The following AKR1E2 variants were observed in gnomAD, a reference collection of about 807,000 sequenced individuals.
The protein encoded by AKR1E2 is 1,5-anhydro-D-fructose reductase.
AKR1E2 carries 43 observed loss-of-function variants against 41.9 expected under a neutral mutation model. The observed-to-expected ratio is 1.03, with a 90% CI of 0.80 to 1.32. The LOEUF is 1.32. Ranked by LOEUF, AKR1E2 falls within the 40% of genes most tolerant of loss-of-function variation. AKR1E2 has a pLI of 0.00. For missense variants in AKR1E2, 423 were observed against 396.5 expected (o/e 1.07, Z -0.57); for synonymous variants, 121 against 138.9 (o/e 0.87, Z 0.91).
chr10:4,832,762 T>G (rs2131509566), intron 2 of AKR1E2, among the ~76,000 whole-genome samples: 1 of 151,622 alleles, frequency 6.6e-6, no homozygotes, highest in Admixed American at 6.6e-5. Context: ...TACTTTACTT[T>G]CATGTTTTTC....
downstream of AKR1E2, among the ~76,000 whole-genome samples, chr10:4,849,554 C>T (rs1323081258): frequency 6.6e-6 from 1 of 152,130 alleles, no homozygotes; most frequent in Non-Finnish European, 1.5e-5. Context: ...ATACTTAAAC[C>T]ATTGTTCATT....
chr10:4,859,851 A>T, the AKR1E2 span, among the ~76,000 whole-genome samples: 30 of 152,326 alleles, frequency 2.0e-4, no homozygotes, highest in East Asian at 5.2e-3. Flanking sequence ...GAATTTTCTA[A>T]TTTTGTGGTG....
chr10:4,837,630 C>T (rs1833537412), intron 5 of AKR1E2, 49 bp downstream of exon 5: 1 of 1,587,644 alleles, frequency 6.3e-7, no homozygotes, highest in Non-Finnish European at 8.6e-7. Flanking sequence ...GCTGGTCCCC[C>T]AGCTGCCACC....
chr10:4,868,307 T>A, the AKR1E2 span, among the ~76,000 whole-genome samples: 2 of 152,032 alleles, frequency 1.3e-5, no homozygotes, highest in Non-Finnish European at 2.9e-5. Context: ...CCATCCTGAG[T>A]CTCTTTGCTC....
chr10:4,862,118 G>A, the AKR1E2 span, among the ~76,000 whole-genome samples: 1 of 152,186 alleles, frequency 6.6e-6, no homozygotes, highest in Non-Finnish European at 1.5e-5. Context: ...TAAGGTGTAA[G>A]GAAGGGATCC....
intron 2 of AKR1E2, 47 bp downstream of exon 2, chr10:4,830,889 T>C: frequency 6.2e-7 from 1 of 1,606,276 alleles, no homozygotes; most frequent in Non-Finnish European, 8.5e-7. Context: ...TAATGCTACA[T>C]CTCTGGAGGG....
At chr10:4,871,890 C>A in the AKR1E2 span, 3 of 152,160 alleles carry the variant, frequency 2.0e-5, no homozygotes, top group Admixed American at 2.0e-4. Flanking sequence ...ACCACAGACT[C>A]TTTTCTTTAT....
intron 3 of AKR1E2, among the ~76,000 whole-genome samples, chr10:4,834,050 C>T (rs367980529): frequency 3.3e-5 from 5 of 152,234 alleles, no homozygotes; most frequent in African/African-American, 1.2e-4. Flanking sequence ...CTACTCTAGG[C>T]AACCTGCTTC....
downstream of AKR1E2, chr10:4,848,178 A>G (rs1328138894): frequency 6.6e-6 from 1 of 151,422 alleles, no homozygotes; most frequent in Non-Finnish European, 1.5e-5. Flanking sequence ...CCTGGGCTTA[A>G]GTGATCCTCC....
the AKR1E2 span, among the ~76,000 whole-genome samples, chr10:4,870,239 A>T: frequency 6.6e-6 from 1 of 152,086 alleles, no homozygotes; most frequent in Admixed American, 6.6e-5. Context: ...CATTTATAAT[A>T]GAATTTCATT....
Position 4,838,935 on chromosome 10 carries a change from C to T in AKR1E2, c.583-794C>T, listed in dbSNP as rs1164054643. Among the ~76,000 whole-genome samples the T allele has an allele frequency of 3.3e-5, 5 of 152,268 alleles. No individual in the cohort carries two copies. In the South Asian group the frequency reaches 6.2e-4, roughly 19 times the overall value. On this transcript the variant is annotated intron_variant, in intron 5 of 9. Coordinates refer to ENST00000298375, the MANE Select transcript of AKR1E2 (RefSeq NM_001040177.3). Reference sequence around the variant, plus strand: ...TGATGGACACCAGGAACACAGGATGCGGAAGGCTCCAGAAGGGCTGGCCTC... The same window carrying T: ...TGATGGACACCAGGAACACAGGATGTGGAAGGCTCCAGAAGGGCTGGCCTC...
At chr10:4,866,645 G>T in the AKR1E2 span, among the ~76,000 whole-genome samples, 76,410 of 114,586 alleles carry the variant, frequency 0.67, 25,948 homozygotes, top group East Asian at 0.88. Flanking sequence ...TTTTGTTTTT[G>T]TTTTTTTTTT....
At chr10:4,845,778 G>A (rs1199801813) in intron 8 of AKR1E2, 1 of 471,156 alleles carries the variant, frequency 2.1e-6, no homozygotes, top group Admixed American at 2.3e-5. Flanking sequence ...CCTCTGTTAG[G>A]TCTGCTACAC....
At chr10:4,826,653 G>A (rs1240313912) in intron 1 of AKR1E2, among the ~76,000 whole-genome samples, 2 of 152,220 alleles carry the variant, frequency 1.3e-5, no homozygotes, top group Non-Finnish European at 2.9e-5. Flanking sequence ...GTTGGGCGGG[G>A]CTGCTCTGTG....
chr10:4,872,376 A>G, the AKR1E2 span, among the ~76,000 whole-genome samples: 2 of 152,204 alleles, frequency 1.3e-5, no homozygotes, highest in Admixed American at 6.5e-5. Context: ...TTCAGAAATG[A>G]TTTGTCTATG....
the AKR1E2 span, among the ~76,000 whole-genome samples, chr10:4,867,216 C>T: frequency 6.6e-6 from 1 of 152,194 alleles, no homozygotes; most frequent in East Asian, 1.9e-4. Context: ...ATCTCTTTCA[C>T]TGTCTCAGTC....
chr10:4,839,669 G>A, intron 5 of AKR1E2, 60 bp from the exon 6 acceptor site: 2 of 1,498,592 alleles, frequency 1.3e-6, no homozygotes, highest in South Asian at 1.1e-5. Context: ...GTCTTCTCTT[G>A]TAGAGCTTTT....
At chr10:4,855,850 G>A in the AKR1E2 span, among the ~76,000 whole-genome samples, 1,298 of 152,224 alleles carry the variant, frequency 8.5e-3, 21 homozygotes, top group African/African-American at 0.03. Context: ...TGCTTTAAGG[G>A]CATAAACTGC....
In AKR1E2 at chr10:4,839,725, A is replaced by G; in HGVS notation, c.583-4A>G. The G allele has an allele frequency of 1.9e-6, 3 of 1,612,430 alleles. No individual in the cohort carries two copies. The highest frequency in any genetic ancestry group is 1.1e-5 in the South Asian group (1 of 91,054). ...ATTTTATGTAAGCTATGATTCTGTT[A>G]TAGATTGAGTGCCACCCATATCTTA... On this transcript the variant is annotated splice_polypyrimidine_tract_variant and splice_region_variant and intron_variant, in intron 5 of 9. Transcript: ENST00000298375.
Sources: gnomAD v4.1 joint callset for allele counts (sites outside exome capture counted in the v4.1 genomes callset) on GRCh38, gnomAD v4.1.1 for gene constraint, MANE v1.5 for transcripts, NCBI Gene and HGNC (gene_info 2026-07-23, HGNC 2026-07-21) for gene names.